Variants in ABCB5 observed in about 807,000 individuals in gnomAD.
ABCB5 encodes the protein ATP-binding cassette sub-family B member 5.
ABCB5 carries 155 observed loss-of-function variants against 144.2 expected under a neutral mutation model. That is an observed-to-expected ratio of 1.08 (90% CI 0.94 to 1.23). ABCB5 has a LOEUF of 1.23. ABCB5 is among the 50% of genes most tolerant of loss of function. The pLI is 0.00. For missense variants in ABCB5, 1,830 were observed against 1,520.8 expected (o/e 1.20, Z -3.38); for synonymous variants, 610 against 528.6 (o/e 1.15, Z -2.11).
At chr7:20,737,699 A>G (rs1481243673) in intron 23 of ABCB5, among the ~76,000 whole-genome samples, 4 of 152,190 alleles carry the variant, frequency 2.6e-5, no homozygotes, top group African/African-American at 7.2e-5. Flanking sequence ...TTCTTGGATC[A>G]GACTGAGGCT....
At chr7:20,749,888 A>G (rs1294283627) in intron 26 of ABCB5, among the ~76,000 whole-genome samples, 1 of 152,198 alleles carries the variant, frequency 6.6e-6, no homozygotes, top group Non-Finnish European at 1.5e-5. Context: ...CTGAGCAAAA[A>G]CATGGAGACA....
intron 16 of ABCB5, among the ~76,000 whole-genome samples, chr7:20,695,500 G>C (rs1786380788): frequency 6.6e-6 from 1 of 151,824 alleles, no homozygotes; most frequent in Non-Finnish European, 1.5e-5. Flanking sequence ...TCACGACTTT[G>C]TGTTAAGCAA....
chr7:20,717,941 G>C (rs562049429), intron 20 of ABCB5, among the ~76,000 whole-genome samples: 1 of 106,176 alleles, frequency 9.4e-6, no homozygotes, highest in Non-Finnish European at 1.7e-5. Flanking sequence ...TCGCTCTGTC[G>C]CCCAGGCTGG....
intron 1 of ABCB5, 54 bp downstream of exon 1, chr7:20,615,891 A>G (rs1171263080): frequency 6.6e-6 from 1 of 152,348 alleles, no homozygotes; most frequent in East Asian, 1.9e-4. Flanking sequence ...GCTTGTGAAG[A>G]ATATAAAACA....
chr7:20,732,763 T>C lies in ABCB5; in HGVS notation c.2867+4308T>C, dbSNP rs76477074. ...TTGATATAAAATATGATGTGTGGAATTGAGAATTTACCTGTACCTACTGAG... is the reference window on the plus strand; with the variant it reads ...TTGATATAAAATATGATGTGTGGAACTGAGAATTTACCTGTACCTACTGAG... On this transcript the variant is annotated intron_variant, in intron 23 of 27. Transcript: ENST00000404938. Among the ~76,000 whole-genome samples, 926 of 152,288 alleles carry C rather than the reference T, an allele frequency of 6.1e-3. 4 individuals are homozygous for C. The highest frequency in any genetic ancestry group is 0.021 in the African/African-American group (885 of 41,542).
chr7:20,696,565 C>T (rs1786422507), intron 16 of ABCB5, among the ~76,000 whole-genome samples: 1 of 152,030 alleles, frequency 6.6e-6, no homozygotes, highest in African/African-American at 2.4e-5. Flanking sequence ...TTTTACATTT[C>T]AAATATGTGC....
At chr7:20,741,643 A>G (rs1451757454) in intron 24 of ABCB5, among the ~76,000 whole-genome samples, 1 of 152,122 alleles carries the variant, frequency 6.6e-6, no homozygotes, top group Non-Finnish European at 1.5e-5. Flanking sequence ...ATAATATCAT[A>G]AAATTTTTTT....
chr7:20,655,938 A>G (rs540026165), intron 13 of ABCB5, among the ~76,000 whole-genome samples: 4 of 152,334 alleles, frequency 2.6e-5, no homozygotes, highest in African/African-American at 4.8e-5. Flanking sequence ...TGGCATAATG[A>G]TGGTTGTATA....
chr7:20,651,100 T>C (rs1784568220), intron 12 of ABCB5, among the ~76,000 whole-genome samples: 1 of 152,164 alleles, frequency 6.6e-6, no homozygotes, highest in African/African-American at 2.4e-5. Context: ...CTGAAGTTTT[T>C]TGTATGTGTC....
chr7:20,652,384 A>G (rs1784624999), intron 13 of ABCB5, among the ~76,000 whole-genome samples: 1 of 152,194 alleles, frequency 6.6e-6, no homozygotes. Context: ...CTTCGCCAAC[A>G]TGGTGAAAAT....
chr7:20,645,566 A>G (rs1251607149), intron 7 of ABCB5, among the ~76,000 whole-genome samples, 190 bp from the exon 8 acceptor site: 2 of 152,234 alleles, frequency 1.3e-5, no homozygotes, highest in Admixed American at 1.3e-4. Flanking sequence ...AGTCACCAAT[A>G]GTGATATTTT....
chr7:20,651,489 A>G lies in ABCB5; in HGVS notation c.1402A>G (p.Ser468Gly). 13 of 1,614,138 alleles carry G rather than the reference A, an allele frequency of 8.1e-6. No individual in the cohort carries two copies. The highest frequency in any genetic ancestry group is 1.1e-5 in the Non-Finnish European group (13 of 1,180,018). The change falls in exon 13 of 28, where the codon AGT (serine) becomes GGT (glycine). Residue 468 changes from serine (S) to glycine (G), a missense_variant. Transcript: ENST00000404938. ...RHYRDHIGVV[S>G]QEPVLFGTTI... Reference sequence around the variant, plus strand: ...TTATCGAGACCATATTGGAGTGGTTAGTCAAGAGCCTGTTTTGTTCGGGAC... The same window carrying G: ...TTATCGAGACCATATTGGAGTGGTTGGTCAAGAGCCTGTTTTGTTCGGGAC...
intron 14 of ABCB5, among the ~76,000 whole-genome samples, chr7:20,672,449 G>A (rs1340783427): frequency 6.6e-6 from 1 of 152,100 alleles, no homozygotes; most frequent in Non-Finnish European, 1.5e-5. Flanking sequence ...AATAGCTAAT[G>A]AGTGTGGGGC....
intron 14 of ABCB5, among the ~76,000 whole-genome samples, chr7:20,665,111 AATTAGGT>A (rs1239909970): frequency 2.0e-5 from 3 of 152,170 alleles, no homozygotes; most frequent in Non-Finnish European, 4.4e-5. Context: ...TCACGTTCCT[AATTAGGT>A]AGTACACGTG....
chr7:20,666,438 CTA>C (rs1785197003), intron 14 of ABCB5, among the ~76,000 whole-genome samples: 1 of 152,182 alleles, frequency 6.6e-6, no homozygotes, highest in Admixed American at 6.5e-5. Flanking sequence ...CTGCTGCCCT[CTA>C]TGTTTACGGC....
At chr7:20,629,675 T>A (rs1783989947) in intron 4 of ABCB5, among the ~76,000 whole-genome samples, 1 of 152,028 alleles carries the variant, frequency 6.6e-6, no homozygotes, top group Non-Finnish European at 1.5e-5. Context: ...GGCAGGAGAA[T>A]TGTTTGAACC....
At chr7:20,618,764 C>CTTTTTTTTTTTTTTTTTT (rs59970398) in intron 1 of ABCB5, among the ~76,000 whole-genome samples, 4 of 51,574 alleles carry the variant, frequency 7.8e-5, no homozygotes, top group Admixed American at 3.3e-4. Flanking sequence ...GCTGCATTTT[C>CTTTTTTTTTTTTTTTTTT]TTTTTTTTTT....
intron 19 of ABCB5, among the ~76,000 whole-genome samples, chr7:20,703,457 G>C (rs1211410403): frequency 2.6e-5 from 4 of 152,172 alleles, no homozygotes; most frequent in Non-Finnish European, 5.9e-5. Flanking sequence ...CAGTGGCTCA[G>C]GGTGGTGCTA....
intron 23 of ABCB5, among the ~76,000 whole-genome samples, chr7:20,731,258 G>T (rs996221703): frequency 1.3e-5 from 2 of 150,638 alleles, no homozygotes; most frequent in African/African-American, 4.9e-5. Context: ...GGAGGTGAGG[G>T]ACAAGAATTG....
Sources: allele counts gnomAD v4.1 joint callset (sites outside exome capture counted in the v4.1 genomes callset), GRCh38; gene constraint gnomAD v4.1.1; transcripts MANE v1.5; gene names NCBI Gene and HGNC (gene_info 2026-07-23, HGNC 2026-07-21).